The following GHR variants were observed in gnomAD, a reference collection of about 807,000 sequenced individuals.
GHR encodes the protein growth hormone receptor.
In GHR, 35 loss-of-function variants were observed where a neutral mutation model predicts 67.1. That is an observed-to-expected ratio of 0.52 (90% CI 0.40 to 0.69). The LOEUF (loss-of-function observed/expected upper bound fraction) is 0.69, where lower values mean the gene tolerates loss of function less well. Among genes scored for constraint, GHR ranks in the 30% least tolerant of loss-of-function variants. The pLI is 0.00. For synonymous variants in GHR, 272 were observed against 269.1 expected (o/e 1.01, Z -0.10); for missense variants, 792 against 764.6 (o/e 1.04, Z -0.42).
At chr5:42,638,225 A>G (rs1754299275) in intron 3 of GHR, among the ~76,000 whole-genome samples, 1 of 152,006 alleles carries the variant, frequency 6.6e-6, no homozygotes, top group South Asian at 2.1e-4. Context: ...CCTCAGTATA[A>G]TATAGTATTT....
intron 1 of GHR, among the ~76,000 whole-genome samples, chr5:42,522,410 A>G (rs1293893382): frequency 2.0e-5 from 3 of 152,196 alleles, no homozygotes; most frequent in African/African-American, 4.8e-5. Context: ...AAATGACCAT[A>G]TAAATACAGA....
At chr5:42,595,153 C>T (rs776857194) in intron 2 of GHR, among the ~76,000 whole-genome samples, 1 of 152,152 alleles carries the variant, frequency 6.6e-6, no homozygotes, top group Non-Finnish European at 1.5e-5. Context: ...AACCACTTGG[C>T]TTTGCTTAGT....
At chr5:42,432,807 T>G (rs915090567) in intron 1 of GHR, among the ~76,000 whole-genome samples, 3 of 152,240 alleles carry the variant, frequency 2.0e-5, no homozygotes, top group Non-Finnish European at 2.9e-5. Flanking sequence ...CATAGTTCAT[T>G]CTTTCAATGT....
intron 3 of GHR, among the ~76,000 whole-genome samples, chr5:42,671,950 C>T (rs1324105487): frequency 8.3e-5 from 8 of 96,140 alleles, no homozygotes; most frequent in South Asian, 8.2e-4. Flanking sequence ...AGCAAGACTC[C>T]GTCTCAAAAA....
intron 1 of GHR, among the ~76,000 whole-genome samples, chr5:42,535,915 T>C (rs1435557351): frequency 6.6e-6 from 1 of 152,034 alleles, no homozygotes; most frequent in African/African-American, 2.4e-5. Context: ...TTTTTATTTT[T>C]TTGGCAGCAA....
chr5:42,622,698 G>A (rs911742458), intron 2 of GHR, among the ~76,000 whole-genome samples: 1 of 152,144 alleles, frequency 6.6e-6, no homozygotes, highest in South Asian at 2.1e-4. Flanking sequence ...CTATTCAGGG[G>A]TGTTTCTAAA....
intron 6 of GHR, among the ~76,000 whole-genome samples, chr5:42,701,883 G>T (rs1311547335): frequency 6.6e-6 from 1 of 151,984 alleles, no homozygotes; most frequent in African/African-American, 2.4e-5. Context: ...ATCAAATCAT[G>T]CATGGGGAAA....
intron 2 of GHR, among the ~76,000 whole-genome samples, chr5:42,619,147 T>C (rs1320707716): frequency 6.6e-6 from 1 of 152,068 alleles, no homozygotes; most frequent in African/African-American, 2.4e-5. Context: ...AGATACATCA[T>C]AAGGGGAATA....
At chr5:42,630,844 G>T (rs1415214516) in intron 3 of GHR, among the ~76,000 whole-genome samples, 1 of 131,870 alleles carries the variant, frequency 7.6e-6, no homozygotes, top group Non-Finnish European at 1.6e-5. Flanking sequence ...GCCCTCCACT[G>T]TCCCCCAAAG....
chr5:42,467,062 C>T, intron 1 of GHR: 2 of 1,580,264 alleles, frequency 1.3e-6, no homozygotes, highest in Non-Finnish European at 1.7e-6. Context: ...AGGTTTTTCT[C>T]CATTATGGAT....
chr5:42,577,206 TAC>T (rs1750796182), intron 2 of GHR, among the ~76,000 whole-genome samples: 2 of 152,182 alleles, frequency 1.3e-5, no homozygotes, highest in South Asian at 2.1e-4. Flanking sequence ...GTTTTGATCA[TAC>T]ACAGTTTCCA....
chr5:42,484,079 G>A (rs1745775881), intron 1 of GHR, among the ~76,000 whole-genome samples: 1 of 152,144 alleles, frequency 6.6e-6, no homozygotes, highest in Non-Finnish European at 1.5e-5. Flanking sequence ...GCCAGCACAT[G>A]GATGGATCAT....
intron 3 of GHR, among the ~76,000 whole-genome samples, chr5:42,647,118 G>A (rs149409645): frequency 5.5e-4 from 83 of 152,110 alleles, no homozygotes; most frequent in Middle Eastern, 3.4e-3. Context: ...GGGTGATGCC[G>A]CTGAGAAAAT....
chr5:42,429,918 A>G (rs1361103459), intron 1 of GHR, among the ~76,000 whole-genome samples: 4 of 152,234 alleles, frequency 2.6e-5, no homozygotes, highest in African/African-American at 7.2e-5. Flanking sequence ...CCAAAGTCCC[A>G]GAGAGTATGC....
At chr5:42,480,193 G>A (rs1394426736) in intron 1 of GHR, among the ~76,000 whole-genome samples, 7 of 152,210 alleles carry the variant, frequency 4.6e-5, no homozygotes, top group Admixed American at 2.0e-4. Flanking sequence ...GTAGTAGAGC[G>A]GTTTTGAGTG....
intron 1 of GHR, among the ~76,000 whole-genome samples, chr5:42,472,980 A>G (rs1745076889): frequency 6.6e-6 from 1 of 152,214 alleles, no homozygotes; most frequent in African/African-American, 2.4e-5. Context: ...GTGAATTGCT[A>G]TGACAGAATG....
chr5:42,665,364 T>C (rs533539091), intron 3 of GHR, among the ~76,000 whole-genome samples: 7 of 152,252 alleles, frequency 4.6e-5, no homozygotes, highest in Admixed American at 2.0e-4. Context: ...CCAACAATGA[T>C]AGACTGGATT....
At chr5:42,622,786 A>G (rs979307960) in intron 2 of GHR, among the ~76,000 whole-genome samples, 2 of 152,158 alleles carry the variant, frequency 1.3e-5, no homozygotes, top group African/African-American at 2.4e-5. Flanking sequence ...TTAATGACAC[A>G]CTAGAGAACT....
chr5:42,474,305 G>GAAAGA (rs1554054603), intron 1 of GHR, among the ~76,000 whole-genome samples: 1 of 134,062 alleles, frequency 7.5e-6, no homozygotes, highest in Non-Finnish European at 1.6e-5. Flanking sequence ...GAGAAAGAAA[G>GAAAGA]AAAGAAAGAA....
Sources: allele counts gnomAD v4.1 joint callset (sites outside exome capture counted in the v4.1 genomes callset), GRCh38; gene constraint gnomAD v4.1.1; transcripts MANE v1.5; gene names NCBI Gene and HGNC (gene_info 2026-07-23, HGNC 2026-07-21).